RPA2: variants seen among roughly 807,000 people sequenced by gnomAD.
RPA2 encodes replication protein A2, also known as replication protein A 32 kDa subunit.
Under a neutral mutation model 33.4 loss-of-function variants are expected in RPA2, and 22 were observed. The observed-to-expected ratio is 0.66, with a 90% CI of 0.47 to 0.94. RPA2 has a LOEUF of 0.94. RPA2 is among the 40% of genes least tolerant of loss of function. RPA2 has a pLI of 0.00. For missense variants in RPA2, 279 were observed against 329.9 expected (o/e 0.85, Z 1.19); for synonymous variants, 109 against 114.9 (o/e 0.95, Z 0.33).
chr1:27,894,175 C>T, intron 7 of RPA2, 69 bp from the exon 8 acceptor site: 1 of 1,517,580 alleles, frequency 6.6e-7, no homozygotes, highest in Non-Finnish European at 9.1e-7. Flanking sequence ...AACCTGAGTC[C>T]CTTTATAGAA....
intron 2 of RPA2, among the ~76,000 whole-genome samples, chr1:27,912,555 G>C (rs2090112667): frequency 6.6e-6 from 1 of 151,924 alleles, no homozygotes; most frequent in Non-Finnish European, 1.5e-5. Flanking sequence ...CAAAAAAAAA[G>C]GCAAACTCAT....
At chr1:27,911,709 T>C (rs1223094027) in intron 2 of RPA2, among the ~76,000 whole-genome samples, 1 of 152,182 alleles carries the variant, frequency 6.6e-6, no homozygotes, top group African/African-American at 2.4e-5. Flanking sequence ...TATGTAAGCT[T>C]AGGCAGTCCC....
Position 27,914,453 on chromosome 1 carries a change from G to A in RPA2, c.-10C>T. ...CATTACTGTTCCACATCTTGGTCAC[G>A]ATTCTCCGCAAAGAGGCCGAGAAGG... On this transcript the variant is annotated 5_prime_UTR_variant, in exon 1 of 9. Coordinates refer to ENST00000373912, the MANE Select transcript of RPA2 (RefSeq NM_002946.5). 1 of 1,593,472 alleles carries A rather than the reference G, an allele frequency of 6.3e-7. No homozygotes were observed. The highest frequency in any genetic ancestry group is 8.6e-7 in the Non-Finnish European group (1 of 1,168,722).
chr1:27,912,530 G>A (rs957831290), intron 2 of RPA2, among the ~76,000 whole-genome samples: 1 of 152,108 alleles, frequency 6.6e-6, no homozygotes, highest in African/African-American at 2.4e-5. Flanking sequence ...CTCCAGCCTG[G>A]CAGAGACCCT....
intron 4 of RPA2, among the ~76,000 whole-genome samples, chr1:27,903,591 C>A (rs1350751966): frequency 6.6e-6 from 1 of 151,452 alleles, no homozygotes; most frequent in East Asian, 2.0e-4. Context: ...TGGTGGTGCA[C>A]GCCTATAGTC....
chr1:27,893,248 T>C (rs557255088), intron 8 of RPA2, among the ~76,000 whole-genome samples: 2 of 152,308 alleles, frequency 1.3e-5, no homozygotes, highest in South Asian at 4.1e-4. Flanking sequence ...TTTTGGCCCA[T>C]AGTCTTTTTC....
chr1:27,901,195 T>G (rs2089962650), intron 4 of RPA2, among the ~76,000 whole-genome samples: 2 of 152,198 alleles, frequency 1.3e-5, no homozygotes, highest in Non-Finnish European at 2.9e-5. Context: ...CAAACTTTGT[T>G]GTCTTATTTC....
intron 2 of RPA2, among the ~76,000 whole-genome samples, chr1:27,908,337 C>T (rs1020075745): frequency 6.6e-6 from 1 of 151,796 alleles, no homozygotes; most frequent in Middle Eastern, 3.2e-3. Context: ...GCTATGTTGC[C>T]CAGGCTGGTC....
intron 8 of RPA2, among the ~76,000 whole-genome samples, chr1:27,892,630 T>C (rs1242009175): frequency 6.6e-6 from 1 of 152,178 alleles, no homozygotes; most frequent in Non-Finnish European, 1.5e-5. Context: ...AGCCACACAC[T>C]GAAACCCCGT....
intron 2 of RPA2, among the ~76,000 whole-genome samples, chr1:27,911,520 G>C (rs1321252613): frequency 6.6e-6 from 1 of 152,212 alleles, no homozygotes; most frequent in East Asian, 1.9e-4. Context: ...GAAAAGATGA[G>C]AACCAATCAT....
At position 27,896,984 on chromosome 1, in the gene RPA2, T is replaced by C. The variant is rs539405593; in HGVS notation, c.525+21A>G. The C allele has an allele frequency of 9.0e-6, 14 of 1,551,590 alleles. No homozygotes were observed. In the East Asian group the frequency reaches 1.1e-4, roughly 12 times the overall value. Reference sequence around the variant, plus strand: ...TGTTCTTCCAGGGAAGAGAAAAAGCTAGGAAAGCGAGACTACTCACCTGGC... The same window carrying C: ...TGTTCTTCCAGGGAAGAGAAAAAGCCAGGAAAGCGAGACTACTCACCTGGC... On this transcript the variant is annotated intron_variant, in intron 6 of 8. Transcript: ENST00000373912.
At chr1:27,899,077 A>C (rs1386688545) in intron 4 of RPA2, among the ~76,000 whole-genome samples, 1 of 152,070 alleles carries the variant, frequency 6.6e-6, no homozygotes, top group Non-Finnish European at 1.5e-5. Context: ...TATATGCTTA[A>C]AAATAAAAAC....
intron 4 of RPA2, among the ~76,000 whole-genome samples, chr1:27,899,969 G>A (rs111401923): frequency 2.0e-5 from 3 of 150,594 alleles, no homozygotes; most frequent in Admixed American, 6.6e-5. Context: ...CGTGAGCCAC[G>A]GTGCCCGGCT....
Position 27,891,994 on chromosome 1 carries a change from C to A in RPA2, c.*169G>T, listed in dbSNP as rs1333169909. 5.5e-6 allele frequency: 3 copies of A among 541,032 alleles called. No homozygotes were observed. The highest frequency in any genetic ancestry group is 6.6e-6 in the Non-Finnish European group (2 of 301,352). The allele number at this position is 541,032 out of a possible 1,614,324, so 33.5% of individuals were successfully genotyped here. ...ATCTCCCTCTGAGCTTCAAACAAAA[C>A]AAAATAAAACAGAAGAGCAGTAAGT... On this transcript the variant is annotated 3_prime_UTR_variant, in exon 9 of 9. Coordinates refer to ENST00000373912, the MANE Select transcript of RPA2 (RefSeq NM_002946.5).
At chr1:27,906,378 C>A (rs561318172) in intron 4 of RPA2, among the ~76,000 whole-genome samples, 81 of 150,534 alleles carry the variant, frequency 5.4e-4, no homozygotes, top group African/African-American at 1.8e-3. Flanking sequence ...AAAAAAAAAA[C>A]CAAACAAACA....
chr1:27,910,874 A>G (rs2090087866), intron 2 of RPA2, among the ~76,000 whole-genome samples: 1 of 152,146 alleles, frequency 6.6e-6, no homozygotes, highest in South Asian at 2.1e-4. Flanking sequence ...AAAGAAAAAA[A>G]GAATAGGGCG....
chr1:27,904,236 TAGCA>T (rs1357318314), intron 4 of RPA2, among the ~76,000 whole-genome samples: 1 of 152,010 alleles, frequency 6.6e-6, no homozygotes, highest in Non-Finnish European at 1.5e-5. Context: ...AGCAGTTGCA[TAGCA>T]TATTATCCCT....
At position 27,892,037 on chromosome 1, in the gene RPA2, G is replaced by A; in HGVS notation, c.*126C>T. On this transcript the variant is annotated 3_prime_UTR_variant, in exon 9 of 9. Transcript: ENST00000373912. Reference sequence around the variant, plus strand: ...CAGTAAGTTTCAAAAGGAAGTCAGAGGAGACATTTGATAGATGAAACCTAC... The same window carrying A: ...CAGTAAGTTTCAAAAGGAAGTCAGAAGAGACATTTGATAGATGAAACCTAC... 3.0e-6 allele frequency: 2 copies of A among 660,580 alleles called. No individual in the cohort carries two copies. The highest frequency in any genetic ancestry group is 2.6e-6 in the Non-Finnish European group (1 of 378,492). The allele number at this position is 660,580 out of a possible 1,614,324, so 40.9% of individuals were successfully genotyped here. A position where few individuals can be genotyped will look rare whatever the true frequency, so the allele number is the denominator to read the frequency against.
chr1:27,906,861 A>C lies in RPA2; in HGVS notation c.333+67T>G, dbSNP rs1016506938. The C allele has an allele frequency of 3.8e-6, 4 of 1,055,504 alleles. No individual in the cohort carries two copies. In the East Asian group the frequency reaches 1.0e-4, roughly 27 times the overall value. 65.4% of individuals were successfully genotyped at this position (1,055,504 alleles called of 1,614,324 possible). A position where few individuals can be genotyped will look rare whatever the true frequency, so the allele number is the denominator to read the frequency against. On this transcript the variant is annotated intron_variant, in intron 4 of 8. Coordinates refer to ENST00000373912, the MANE Select transcript of RPA2 (RefSeq NM_002946.5). ...TTTTATAAGAAAAAACTTTAAAAAG[A>C]CTAAAAAAGTTCAACATCTCCACAG...
Sources: gnomAD v4.1 joint callset for allele counts (sites outside exome capture counted in the v4.1 genomes callset) on GRCh38, gnomAD v4.1.1 for gene constraint, MANE v1.5 for transcripts, NCBI Gene and HGNC (gene_info 2026-07-23, HGNC 2026-07-21) for gene names.